Variants in CSMD1 observed in about 807,000 individuals in gnomAD.
CSMD1 encodes CUB and sushi domain-containing protein 1.
A neutral mutation model predicts 417.5 loss-of-function variants in CSMD1; 213 were observed. The observed-to-expected ratio is 0.51, with a 90% CI of 0.46 to 0.57. The LOEUF is 0.57. Among genes scored for constraint, CSMD1 ranks in the 20% least tolerant of loss-of-function variants. The probability of loss-of-function intolerance (pLI) is 0.00; values close to 1 mark genes in which losing one functional copy is unlikely to be tolerated. For synonymous variants in CSMD1, 2,862 were observed against 1,736.8 expected (o/e 1.65, Z -16.11); for missense variants, 6,923 against 4,529.7 (o/e 1.53, Z -15.17).
chr8:4,150,033 C>G (rs892768186), intron 3 of CSMD1, among the ~76,000 whole-genome samples: 1 of 152,092 alleles, frequency 6.6e-6, no homozygotes, highest in Non-Finnish European at 1.5e-5. Context: ...CAACGCTGCA[C>G]GTAAAAGGCA....
At chr8:4,422,870 A>T (rs757927717) in intron 2 of CSMD1, among the ~76,000 whole-genome samples, 2 of 152,228 alleles carry the variant, frequency 1.3e-5, no homozygotes, top group East Asian at 3.9e-4. Flanking sequence ...AGAAAGGTCC[A>T]ATCTTTGAAA....
chr8:4,619,166 C>G (rs1342345022), intron 2 of CSMD1, among the ~76,000 whole-genome samples: 1 of 152,114 alleles, frequency 6.6e-6, no homozygotes, highest in Non-Finnish European at 1.5e-5. Context: ...ACGTTTATCA[C>G]TTACTTTTAA....
At chr8:4,920,380 A>C (rs1806356557) in intron 1 of CSMD1, among the ~76,000 whole-genome samples, 1 of 152,226 alleles carries the variant, frequency 6.6e-6, no homozygotes, top group Non-Finnish European at 1.5e-5. Context: ...TGCATATGGA[A>C]ATGCTGGCAG....
chr8:3,978,092 T>C (rs1309694701), intron 5 of CSMD1, among the ~76,000 whole-genome samples: 1 of 152,198 alleles, frequency 6.6e-6, no homozygotes, highest in Non-Finnish European at 1.5e-5. Context: ...TCGGTGTCTG[T>C]GAGAAAGTCT....
intron 3 of CSMD1, among the ~76,000 whole-genome samples, chr8:4,280,286 A>T (rs947518114): frequency 6.6e-6 from 1 of 152,200 alleles, no homozygotes; most frequent in Non-Finnish European, 1.5e-5. Context: ...ACGTTTTTAT[A>T]ATGTAGTATA....
chr8:3,461,127 T>C (rs765912531), intron 12 of CSMD1, among the ~76,000 whole-genome samples: 12 of 152,164 alleles, frequency 7.9e-5, no homozygotes, highest in Non-Finnish European at 1.6e-4. Flanking sequence ...GCGGCCCTCA[T>C]CGCTCTGCGG....
chr8:3,843,897 A>G (rs1245627292), intron 5 of CSMD1, among the ~76,000 whole-genome samples: 2 of 152,306 alleles, frequency 1.3e-5, no homozygotes, highest in East Asian at 1.9e-4. Context: ...GAGTAACGTA[A>G]TTTACACCCA....
intron 12 of CSMD1, among the ~76,000 whole-genome samples, chr8:3,439,299 ATATATATATATTT>A (rs1266584928): frequency 2.2e-5 from 1 of 45,206 alleles, no homozygotes; most frequent in Admixed American, 2.5e-4. Flanking sequence ...ATATATATAT[ATATATATATATTT>A]TTTTTTTTAA....
At chr8:3,817,515 G>A (rs1027188897) in intron 5 of CSMD1, among the ~76,000 whole-genome samples, 1 of 151,784 alleles carries the variant, frequency 6.6e-6, no homozygotes, top group South Asian at 2.1e-4. Context: ...TCCTGACCTT[G>A]TGATCCACCC....
intron 50 of CSMD1, among the ~76,000 whole-genome samples, chr8:3,033,611 CA>C (rs1365607416): frequency 6.6e-6 from 1 of 150,746 alleles, no homozygotes; most frequent in Non-Finnish European, 1.5e-5. Flanking sequence ...AGGTAAGGGA[CA>C]AGAGGAGGGA....
intron 2 of CSMD1, among the ~76,000 whole-genome samples, chr8:4,471,647 A>C (rs185486401): frequency 1.3e-5 from 2 of 152,180 alleles, no homozygotes; most frequent in Admixed American, 1.3e-4. Context: ...GTTGGAAAGA[A>C]CTGGGAATGC....
chr8:3,075,709 G>C (rs983964678), intron 49 of CSMD1, among the ~76,000 whole-genome samples: 5 of 151,822 alleles, frequency 3.3e-5, no homozygotes, highest in African/African-American at 1.2e-4. Flanking sequence ...TATATTTCTG[G>C]ACTATGTAAA....
chr8:3,749,330 T>C (rs1212639534), intron 6 of CSMD1, among the ~76,000 whole-genome samples: 2 of 152,322 alleles, frequency 1.3e-5, no homozygotes, highest in African/African-American at 4.8e-5. Context: ...TTCCCCTGCG[T>C]TTTCTACTAC....
intron 26 of CSMD1, among the ~76,000 whole-genome samples, chr8:3,275,424 G>A (rs1585890263): frequency 1.3e-5 from 2 of 151,902 alleles, no homozygotes; most frequent in Admixed American, 6.6e-5. Flanking sequence ...TGCTCTTCTC[G>A]AGGAGTATCT....
chr8:3,834,864 T>C (rs1372769980), intron 5 of CSMD1, among the ~76,000 whole-genome samples: 2 of 151,642 alleles, frequency 1.3e-5, no homozygotes, highest in Non-Finnish European at 1.5e-5. Flanking sequence ...CTCCAACAAA[T>C]TTACAAGAAA....
At chr8:3,880,068 G>A (rs34126885) in intron 5 of CSMD1, among the ~76,000 whole-genome samples, 35,034 of 149,560 alleles carry the variant, frequency 0.23, 5,330 homozygotes, top group African/African-American at 0.44. Context: ...TTTTTTTTTT[G>A]ACTGAGAACT....
chr8:3,302,726 T>C (rs1167934539), intron 25 of CSMD1, among the ~76,000 whole-genome samples: 1 of 152,226 alleles, frequency 6.6e-6, no homozygotes, highest in Non-Finnish European at 1.5e-5. Context: ...TGCCTCGTTA[T>C]CCATATAGTG....
intron 3 of CSMD1, among the ~76,000 whole-genome samples, chr8:4,061,447 C>A (rs1271215572): frequency 6.6e-6 from 1 of 152,084 alleles, no homozygotes; most frequent in Non-Finnish European, 1.5e-5. Context: ...TTATAGCTCC[C>A]TGAAAATGGA....
chr8:4,387,306 G>C (rs1395570932), intron 3 of CSMD1, among the ~76,000 whole-genome samples: 1 of 151,950 alleles, frequency 6.6e-6, no homozygotes, highest in Non-Finnish European at 1.5e-5. Flanking sequence ...CTTTTAGATA[G>C]TAATTCCTGA....
Sources: gnomAD v4.1 joint callset for allele counts (sites outside exome capture counted in the v4.1 genomes callset) on GRCh38, gnomAD v4.1.1 for gene constraint, MANE v1.5 for transcripts, NCBI Gene and HGNC (gene_info 2026-07-23, HGNC 2026-07-21) for gene names.